Variants in TG observed in about 807,000 individuals in gnomAD.
The protein encoded by TG is thyroglobulin.
Under a neutral mutation model 324.7 loss-of-function variants are expected in TG, and 270 were observed. That is an observed-to-expected ratio of 0.83 (90% CI 0.75 to 0.92). TG has a LOEUF of 0.92. TG is among the 40% of genes least tolerant of loss of function. The pLI is 0.00. For synonymous variants in TG, 1,401 were observed against 1,327.0 expected (o/e 1.06, Z -1.21); for missense variants, 3,591 against 3,456.4 (o/e 1.04, Z -0.98).
Position 132,887,326 on chromosome 8 carries a change from A to G in TG, c.1954A>G (p.Arg652Gly), listed in dbSNP as rs1396046502. ...CAAAGAGCTTCCAGGCTCAAGAGTC[A>G]GAGGTGGACAGCCAAGGTGCCCCAC... ...WGKELPGSRV[R>G]GGQPRCPTDC... Residue 652 changes from arginine to glycine, a missense_variant, in exon 9 of 48, where the codon AGA becomes GGA. Arg to Gly is a moderately radical substitution (Grantham distance 125). Coordinates refer to ENST00000220616, the MANE Select transcript of TG (RefSeq NM_003235.5). The G allele has an allele frequency of 6.2e-7, 1 of 1,610,466 alleles. No individual in the cohort carries two copies. The highest frequency in any genetic ancestry group is 2.2e-5 in the East Asian group (1 of 44,792).
At chr8:133,060,298 G>A in intron 41 of TG, 1 of 1,575,230 alleles carries the variant, frequency 6.3e-7, no homozygotes, top group East Asian at 2.4e-5. Flanking sequence ...CATTTTTCTG[G>A]CAGCTTGCTT....
chr8:132,888,544 T>C lies in TG; in HGVS notation c.2737T>C (p.Ser913Pro), dbSNP rs773538206. The C allele has an allele frequency of 4.0e-5, 64 of 1,611,686 alleles. No individual in the cohort carries two copies. The highest frequency in any genetic ancestry group is 5.2e-5 in the Non-Finnish European group (61 of 1,179,488). ...EAGQELEGMR[S>P]EPSKLPTCPG... ...TGGCCAAGAACTGGAAGGAATGCGG[T>C]CTGAGCCAAGCAAGCTCCCAACATG... Residue 913 changes from serine to proline, a missense_variant, in exon 10 of 48, where the codon TCT becomes CCT. Coordinates refer to ENST00000220616, the MANE Select transcript of TG (RefSeq NM_003235.5).
At chr8:133,108,453 A>G (rs1850006831) in intron 43 of TG, among the ~76,000 whole-genome samples, 1 of 152,170 alleles carries the variant, frequency 6.6e-6, no homozygotes. Context: ...TCTAACAACA[A>G]AGACAATAGA....
At chr8:132,982,873 T>C (rs1831054939) in intron 34 of TG, among the ~76,000 whole-genome samples, 1 of 152,198 alleles carries the variant, frequency 6.6e-6, no homozygotes, top group Non-Finnish European at 1.5e-5. Context: ...CTCTGCTCTC[T>C]GGGACGGGGT....
intron 26 of TG, among the ~76,000 whole-genome samples, chr8:132,943,152 C>T (rs1361947129): frequency 2.0e-5 from 3 of 152,138 alleles, no homozygotes; most frequent in Admixed American, 2.0e-4. Context: ...ATGTTTGTCC[C>T]TCCTCATCTC....
intron 43 of TG, among the ~76,000 whole-genome samples, chr8:133,098,145 T>C (rs1848714133): frequency 6.6e-6 from 1 of 152,150 alleles, no homozygotes. Context: ...AGACAACCAT[T>C]CAGGAATCAC....
In TG at chr8:132,901,410, G is replaced by T. The variant is rs760317901; in HGVS notation, c.3491G>T (p.Gly1164Val). The T allele has an allele frequency of 1.2e-6, 2 of 1,614,116 alleles. No individual in the cohort carries two copies. Among genetic ancestry groups the T allele is most frequent in the Admixed American group, 3.3e-5 (2 of 60,014 alleles). The change falls in exon 16 of 48, where the codon GGC (glycine) becomes GTC (valine). Residue 1164 changes from glycine (G) to valine (V), a missense_variant. By Grantham distance (109) the Gly-to-Val change is moderately radical. Transcript: ENST00000220616. ...GTCCTCTCCAGGAGAGTCAGCCCAGGCTATGTCCCAGCCTGCAGGGCAGAG... is the reference window on the plus strand; with the variant it reads ...GTCCTCTCCAGGAGAGTCAGCCCAGTCTATGTCCCAGCCTGCAGGGCAGAG... ...SGVLSRRVSP[G>V]YVPACRAEDG... is the part of the protein sequence containing the mutation.
intron 24 of TG, 152 bp from the exon 25 acceptor site, chr8:132,935,604 C>G: frequency 1.4e-6 from 1 of 705,968 alleles, no homozygotes; most frequent in African/African-American, 1.8e-5. Flanking sequence ...CTGCAAGTTA[C>G]TGCTTACACA....
chr8:133,089,087 C>T (rs546580628), intron 41 of TG, among the ~76,000 whole-genome samples: 2 of 152,272 alleles, frequency 1.3e-5, no homozygotes, highest in East Asian at 1.9e-4. Flanking sequence ...GAGGTCGGTG[C>T]GAGGGTGGAG....
At chr8:132,974,552 T>G (rs1006492761) in intron 34 of TG, among the ~76,000 whole-genome samples, 1 of 152,212 alleles carries the variant, frequency 6.6e-6, no homozygotes, top group African/African-American at 2.4e-5. Flanking sequence ...CCAGACCTGA[T>G]GACCCCAAAC....
At chr8:132,953,229 TGGA>T (rs1205514411) in intron 27 of TG, among the ~76,000 whole-genome samples, 1 of 152,174 alleles carries the variant, frequency 6.6e-6, no homozygotes, top group Admixed American at 6.5e-5. Context: ...CAAACACCTT[TGGA>T]GGAGGTGAGT....
chr8:133,048,670 A>G (rs1839900539), intron 41 of TG: 1 of 157,998 alleles, frequency 6.3e-6, no homozygotes, highest in African/African-American at 2.4e-5. Flanking sequence ...GAAGGCATTG[A>G]TGCATGCTTG....
At chr8:133,025,681 C>A (rs775271639) in intron 40 of TG, among the ~76,000 whole-genome samples, 14 of 152,202 alleles carry the variant, frequency 9.2e-5, no homozygotes, top group Non-Finnish European at 1.9e-4. Context: ...CAAGGTCCAA[C>A]AGGATCATTT....
In TG at chr8:133,019,782, C is replaced by T. The variant is rs558109473; in HGVS notation, c.6876+87C>T. 2.4e-4 allele frequency: 283 copies of T among 1,166,632 alleles called. 1 individual carries two copies. The Admixed American group carries it at 5.0e-3, about 21-fold the overall frequency. 72.3% of individuals were successfully genotyped at this position (1,166,632 alleles called of 1,614,324 possible). A position where few individuals can be genotyped will look rare whatever the true frequency, so the allele number is the denominator to read the frequency against. ...CCCACTGTGGCCAGCACAGTTCAGT[C>T]TCCTCCTCTGTGGCCTGCTGAGCTG... On this transcript the variant is annotated intron_variant, in intron 39 of 47. Coordinates refer to ENST00000220616, the MANE Select transcript of TG (RefSeq NM_003235.5).
chr8:133,088,658 A>G (rs1846995742), intron 41 of TG, among the ~76,000 whole-genome samples: 1 of 152,206 alleles, frequency 6.6e-6, no homozygotes, highest in Admixed American at 6.5e-5. Flanking sequence ...CACTTTTTAT[A>G]CAAAAAAGAA....
chr8:133,053,574 G>T (rs1432017791), intron 41 of TG, among the ~76,000 whole-genome samples: 2 of 152,188 alleles, frequency 1.3e-5, no homozygotes. Flanking sequence ...GGCACAGTGT[G>T]TGTTCTCTGT....
intron 41 of TG, among the ~76,000 whole-genome samples, chr8:133,088,256 GCTCCTCCTC>G (rs5895174): frequency 6.6e-6 from 1 of 151,358 alleles, no homozygotes; most frequent in Non-Finnish European, 1.5e-5. Context: ...CTCCCCTCCT[GCTCCTCCTC>G]CTCCTCCTCC....
intron 40 of TG, among the ~76,000 whole-genome samples, chr8:133,026,393 G>A (rs865826591): frequency 5.9e-5 from 9 of 152,220 alleles, no homozygotes; most frequent in Non-Finnish European, 1.0e-4. Context: ...GTGTTTAAAA[G>A]GAGTCTTGGT....
intron 43 of TG, among the ~76,000 whole-genome samples, chr8:133,111,043 TC>T (rs201331073): frequency 6.6e-6 from 1 of 152,060 alleles, no homozygotes; most frequent in Non-Finnish European, 1.5e-5. Context: ...TTTTCCAAGA[TC>T]CCCCCAAATT....
Sources: allele counts gnomAD v4.1 joint callset (sites outside exome capture counted in the v4.1 genomes callset), GRCh38; gene constraint gnomAD v4.1.1; transcripts MANE v1.5; gene names NCBI Gene and HGNC (gene_info 2026-07-23, HGNC 2026-07-21).